The following RALGAPA2 variants were observed in gnomAD, a reference collection of about 807,000 sequenced individuals.
RALGAPA2 encodes the protein ral GTPase-activating protein subunit alpha-2.
In RALGAPA2, 139 loss-of-function variants were observed where a neutral mutation model predicts 230.4. That is an observed-to-expected ratio of 0.60 (90% CI 0.53 to 0.69). The LOEUF is 0.69. Ranked by LOEUF, RALGAPA2 falls within the 30% of genes least tolerant of loss-of-function variation. RALGAPA2 has a pLI of 0.00. For synonymous variants in RALGAPA2, 847 were observed against 837.8 expected (o/e 1.01, Z -0.19); for missense variants, 2,163 against 2,276.0 (o/e 0.95, Z 1.01).
At chr20:20,495,714 A>G (rs2062186778) in intron 35 of RALGAPA2, among the ~76,000 whole-genome samples, 1 of 152,248 alleles carries the variant, frequency 6.6e-6, no homozygotes, top group African/African-American at 2.4e-5. Context: ...ATAAGAGAAC[A>G]TAAGCCACTA....
chr20:20,393,386 G>T, intron 39 of RALGAPA2, 133 bp from the exon 40 acceptor site: 1 of 515,020 alleles, frequency 1.9e-6, no homozygotes, highest in Non-Finnish European at 2.9e-6. Flanking sequence ...CTCCTCCCAC[G>T]CTATGCCGGC....
At chr20:20,536,988 A>G (rs1489159361) in intron 24 of RALGAPA2, among the ~76,000 whole-genome samples, 4 of 152,216 alleles carry the variant, frequency 2.6e-5, no homozygotes, top group Non-Finnish European at 5.9e-5. Flanking sequence ...CTGTACTTGG[A>G]TGTAAACAAG....
chr20:20,637,563 A>G, intron 7 of RALGAPA2, 62 bp from the exon 8 acceptor site: 1 of 1,389,774 alleles, frequency 7.2e-7, no homozygotes, highest in South Asian at 1.4e-5. Context: ...CATATACTAA[A>G]CTGAAGTGTT....
intron 23 of RALGAPA2, among the ~76,000 whole-genome samples, chr20:20,565,790 A>G (rs1217149685): frequency 6.6e-6 from 1 of 152,272 alleles, no homozygotes; most frequent in East Asian, 1.9e-4. Context: ...AAGTGCATTC[A>G]GCAACTGAAA....
chr20:20,427,638 G>A (rs1023368707), intron 37 of RALGAPA2, among the ~76,000 whole-genome samples: 8 of 152,090 alleles, frequency 5.3e-5, no homozygotes, highest in African/African-American at 1.7e-4. Flanking sequence ...CCGTTACCAT[G>A]CACCTGCTGC....
At chr20:20,562,780 T>C (rs537150045) in intron 23 of RALGAPA2, among the ~76,000 whole-genome samples, 6 of 152,318 alleles carry the variant, frequency 3.9e-5, no homozygotes, top group East Asian at 1.9e-4. Context: ...ACTTTCCTCA[T>C]TGAGGTACAA....
intron 36 of RALGAPA2, among the ~76,000 whole-genome samples, chr20:20,481,925 A>C (rs2061785370): frequency 6.6e-6 from 1 of 152,204 alleles, no homozygotes; most frequent in African/African-American, 2.4e-5. Flanking sequence ...CGTGTTGCAA[A>C]TAGTACTGTC....
intron 17 of RALGAPA2, 79 bp downstream of exon 17, chr20:20,591,098 A>C: frequency 6.8e-7 from 1 of 1,478,350 alleles, no homozygotes; most frequent in Non-Finnish European, 9.2e-7. Context: ...GAATATATGT[A>C]CAAAGCAATA....
intron 14 of RALGAPA2, 37 bp downstream of exon 14, chr20:20,611,278 T>G (rs2065966324): frequency 6.4e-7 from 1 of 1,562,532 alleles, no homozygotes; most frequent in African/African-American, 1.4e-5. Flanking sequence ...TCTGATTCAT[T>G]TCTTGCATTT....
chr20:20,556,567 C>T (rs188663602), intron 23 of RALGAPA2, among the ~76,000 whole-genome samples: 1 of 152,294 alleles, frequency 6.6e-6, no homozygotes, highest in East Asian at 1.9e-4. Flanking sequence ...GTTTGTACAA[C>T]AGGTTGGCTT....
At chr20:20,558,091 A>AC (rs2064141630) in intron 23 of RALGAPA2, among the ~76,000 whole-genome samples, 1 of 151,950 alleles carries the variant, frequency 6.6e-6, no homozygotes, top group East Asian at 1.9e-4. Flanking sequence ...TGCAACCTCC[A>AC]CCTCCTAGGT....
intron 37 of RALGAPA2, among the ~76,000 whole-genome samples, chr20:20,436,890 C>A (rs192140130): frequency 6.6e-6 from 1 of 152,130 alleles, no homozygotes; most frequent in Non-Finnish European, 1.5e-5. Context: ...CTGCCACGGG[C>A]GGGCGGCCAG....
At chr20:20,608,482 T>C (rs1050669232) in intron 14 of RALGAPA2, among the ~76,000 whole-genome samples, 6 of 151,906 alleles carry the variant, frequency 3.9e-5, no homozygotes, top group South Asian at 2.1e-4. Flanking sequence ...CCAGGTTATC[T>C]ACTGACAGAA....
intron 36 of RALGAPA2, among the ~76,000 whole-genome samples, chr20:20,484,456 T>G (rs2061856441): frequency 6.6e-6 from 1 of 152,118 alleles, no homozygotes; most frequent in Non-Finnish European, 1.5e-5. Context: ...TTCATTGGGC[T>G]TGGACTAGTT....
In RALGAPA2 at chr20:20,635,594, G is replaced by C. The variant is rs911468255; in HGVS notation, c.829C>G (p.Pro277Ala). ...TCTCGAGTGGTAGTAATGTACACAG[G>C]CTTTGGTCTCAAATGGGGGATGTCT... ...VLDIPHLRPKPVYITTTRDNE... is the reference protein window; with the variant it reads ...VLDIPHLRPKAVYITTTRDNE... Residue 277 changes from proline to alanine, a missense_variant, in exon 9 of 40, where the codon CCT becomes GCT. Coordinates refer to ENST00000202677, the MANE Select transcript of RALGAPA2 (RefSeq NM_020343.4). The C allele has an allele frequency of 6.4e-7, 1 of 1,560,196 alleles. No homozygotes were observed. The highest frequency in any genetic ancestry group is 2.4e-5 in the East Asian group (1 of 42,396).
chr20:20,635,286 GC>G, intron 9 of RALGAPA2, 131 bp downstream of exon 9: 1 of 918,714 alleles, frequency 1.1e-6, no homozygotes, highest in Non-Finnish European at 1.7e-6. Context: ...GACAGGGTAG[GC>G]CAATAAAATC....
intron 37 of RALGAPA2, among the ~76,000 whole-genome samples, chr20:20,459,364 A>G (rs1170845952): frequency 6.6e-6 from 1 of 151,994 alleles, no homozygotes; most frequent in African/African-American, 2.4e-5. Context: ...CAGAACTTGT[A>G]CATACTTTAA....
intron 31 of RALGAPA2, among the ~76,000 whole-genome samples, chr20:20,515,288 G>A (rs1044197005): frequency 6.6e-6 from 1 of 152,208 alleles, no homozygotes; most frequent in African/African-American, 2.4e-5. Context: ...TAGGGCTATA[G>A]AAGCAAATCC....
intron 24 of RALGAPA2, among the ~76,000 whole-genome samples, chr20:20,543,351 TAAAC>T (rs1417655517): frequency 6.6e-6 from 1 of 151,820 alleles, no homozygotes; most frequent in African/African-American, 2.4e-5. Flanking sequence ...GGCAGGAACT[TAAAC>T]AAATTTATAA....
Sources: allele counts gnomAD v4.1 joint callset (sites outside exome capture counted in the v4.1 genomes callset), GRCh38; gene constraint gnomAD v4.1.1; transcripts MANE v1.5; gene names NCBI Gene and HGNC (gene_info 2026-07-23, HGNC 2026-07-21).